NUDC: variants seen among roughly 807,000 people sequenced by gnomAD.
NUDC encodes nuclear migration protein nudC.
Under a neutral mutation model 45.0 loss-of-function variants are expected in NUDC, and 14 were observed. That is an observed-to-expected ratio of 0.31 (90% CI 0.21 to 0.49). The LOEUF is 0.49. NUDC is among the 20% of genes least tolerant of loss of function. NUDC has a pLI of 0.99. For missense variants in NUDC, 323 were observed against 426.2 expected, an observed-to-expected ratio of 0.76 and a Z score of 2.13; for synonymous variants, 153 against 156.7, an observed-to-expected ratio of 0.98 and a Z score of 0.17.
chr1:26,908,781 G>A (rs936908199), intron 2 of NUDC, among the ~76,000 whole-genome samples: 5 of 151,578 alleles, frequency 3.3e-5, no homozygotes, highest in Non-Finnish European at 7.4e-5. Context: ...TCACTTTGTC[G>A]CCCAGGCTGG....
At chr1:26,914,058 T>G in intron 3 of NUDC, 1 of 818,496 alleles carries the variant, frequency 1.2e-6, no homozygotes, top group Non-Finnish European at 1.7e-6. Flanking sequence ...ACTCCAGAAG[T>G]CATGTTCATT....
chr1:26,928,477 G>A (rs913288157), intron 2 of NUDC, among the ~76,000 whole-genome samples: 12 of 152,200 alleles, frequency 7.9e-5, no homozygotes, highest in Non-Finnish European at 1.6e-4. Flanking sequence ...CAGATTATGA[G>A]AAAATATGCA....
chr1:26,945,492 G>A lies in NUDC; in HGVS notation c.825+19G>A, dbSNP rs1330566635. ...TTCCAAGGTGAGCCCTGGCTGGTTG[G>A]GGGAGCTTCAGCAGGAAGGTGAGGG... is the stretch of plus-strand genomic sequence containing the variant. On this transcript the variant is annotated intron_variant, in intron 7 of 8. Coordinates refer to ENST00000321265, the MANE Select transcript of NUDC (RefSeq NM_006600.4). The A allele has an allele frequency of 1.2e-6, 2 of 1,613,578 alleles. No individual in the cohort carries two copies. The highest frequency in any genetic ancestry group is 1.7e-6 in the Non-Finnish European group (2 of 1,179,488).
intron 2 of NUDC, among the ~76,000 whole-genome samples, chr1:26,907,786 AG>A (rs2082008844): frequency 6.6e-6 from 1 of 152,216 alleles, no homozygotes; most frequent in Non-Finnish European, 1.5e-5. Flanking sequence ...GTCAGTCAAC[AG>A]TGGCTGAGCT....
chr1:26,910,047 T>G (rs779711375), intron 2 of NUDC, among the ~76,000 whole-genome samples: 1 of 152,146 alleles, frequency 6.6e-6, no homozygotes, highest in Non-Finnish European at 1.5e-5. Context: ...GACACAGGTC[T>G]GCCTACTTAG....
intron 3 of NUDC, chr1:26,911,598 A>C (rs1424617930): frequency 5.6e-6 from 3 of 539,358 alleles, no homozygotes; most frequent in Admixed American, 3.1e-5. Context: ...CATCCCAAGA[A>C]GGGACAGGAG....
At chr1:26,902,639 C>T (rs891202861) in intron 2 of NUDC, among the ~76,000 whole-genome samples, 1 of 151,812 alleles carries the variant, frequency 6.6e-6, no homozygotes, top group Non-Finnish European at 1.5e-5. Flanking sequence ...AATCTTAGCA[C>T]GTCGGGAGGT....
Position 26,941,544 on chromosome 1 carries a change from G to A in NUDC, c.247G>A (p.Glu83Lys), listed in dbSNP as rs753073503. Residue 83 changes from glutamate (E) to lysine (K), a missense_variant, in exon 3 of 9, where the codon GAG (glutamate) becomes AAG (lysine). Physicochemically the swap from Glu to Lys is moderately conservative, Grantham distance 56 (BLOSUM62 1). Around this residue, in one of 3 missense-constraint regions of NUDC, gnomAD observed 245 missense variants for 278.8 expected, o/e 0.88. Transcript: ENST00000321265. Reference sequence around the variant, plus strand: ...AGCCCGGCAGGAGGCCGAGCGGCGGGAGAAGGCGGAGCGGGCGGCCAGACT... The same window carrying A: ...AGCCCGGCAGGAGGCCGAGCGGCGGAAGAAGGCGGAGCGGGCGGCCAGACT... The part of the protein sequence containing the change: ...KRARQEAERR[E>K]KAERAARLAK... 12 of 1,612,236 alleles carry A rather than the reference G, an allele frequency of 7.4e-6. No homozygotes were observed. The South Asian group carries it at 1.2e-4, about 16-fold the overall frequency.
At chr1:26,943,997 C>T (rs2082299591) in intron 6 of NUDC, among the ~76,000 whole-genome samples, 1 of 152,010 alleles carries the variant, frequency 6.6e-6, no homozygotes, top group Non-Finnish European at 1.5e-5. Context: ...CCTGCTTCAG[C>T]CTCCAGTGTA....
chr1:26,917,918 T>C (rs1209655955), upstream of NUDC, among the ~76,000 whole-genome samples: 2 of 150,872 alleles, frequency 1.3e-5, no homozygotes, highest in Non-Finnish European at 1.5e-5. Context: ...AAACCAGAAC[T>C]GTTCATTGTT....
At chr1:26,909,549 G>T (rs1460022373) in intron 2 of NUDC, among the ~76,000 whole-genome samples, 1 of 152,204 alleles carries the variant, frequency 6.6e-6, no homozygotes, top group Non-Finnish European at 1.5e-5. Context: ...AAGGAGAAGG[G>T]TAAGAGGTGG....
intron 2 of NUDC, chr1:26,911,061 C>T (rs1471616342): frequency 2.2e-6 from 1 of 463,280 alleles, no homozygotes; most frequent in East Asian, 7.0e-5. Context: ...GTTGCCAGGC[C>T]AGCCCTGGGT....
At chr1:26,901,262 T>A (rs1304866453) in intron 1 of NUDC, among the ~76,000 whole-genome samples, 5 of 151,950 alleles carry the variant, frequency 3.3e-5, no homozygotes, top group Admixed American at 2.0e-4. Context: ...GCTAATTTTT[T>A]AAACTATTTG....
chr1:26,913,910 A>G (rs1181054311), intron 3 of NUDC: 2 of 1,484,550 alleles, frequency 1.3e-6, no homozygotes. Flanking sequence ...GCTCCCTGGC[A>G]TGGGCAGGCC....
intron 2 of NUDC, among the ~76,000 whole-genome samples, chr1:26,938,644 A>G (rs991375395): frequency 1.3e-5 from 2 of 152,192 alleles, no homozygotes; most frequent in African/African-American, 4.8e-5. Context: ...TTGGCGTCAA[A>G]TGGGTGAGAA....
chr1:26,932,056 C>T (rs1346411204), intron 2 of NUDC, among the ~76,000 whole-genome samples: 3 of 150,814 alleles, frequency 2.0e-5, no homozygotes, highest in Non-Finnish European at 3.0e-5. Context: ...ACTCTGTCAC[C>T]CACTGGAGTG....
intron 2 of NUDC, among the ~76,000 whole-genome samples, chr1:26,908,236 C>T (rs182239691): frequency 2.8e-4 from 43 of 152,082 alleles, no homozygotes; most frequent in African/African-American, 9.2e-4. Context: ...AAGTTACATA[C>T]GCCATCTGAG....
chr1:26,924,800 C>T (rs914442999), intron 2 of NUDC, among the ~76,000 whole-genome samples: 6 of 151,942 alleles, frequency 3.9e-5, no homozygotes, highest in Non-Finnish European at 8.8e-5. Flanking sequence ...ATCCACCCGC[C>T]TCGGCCTCCC....
At chr1:26,935,206 T>A (rs1232625264) in intron 2 of NUDC, among the ~76,000 whole-genome samples, 1 of 150,726 alleles carries the variant, frequency 6.6e-6, no homozygotes, top group Non-Finnish European at 1.5e-5. Context: ...GGTCTCGAAC[T>A]CCTGACGTCA....
Sources: allele counts gnomAD v4.1 joint callset (sites outside exome capture counted in the v4.1 genomes callset), GRCh38; gene constraint gnomAD v4.1.1; regional missense constraint gnomAD v4.1.1; transcripts MANE v1.5; gene names NCBI Gene and HGNC (gene_info 2026-07-23, HGNC 2026-07-21).